Variants in MAPKAP1 observed in about 807,000 individuals in gnomAD.
MAPKAP1 encodes the protein MAPK associated protein 1.
MAPKAP1 carries 20 observed loss-of-function variants against 65.7 expected under a neutral mutation model. That is an observed-to-expected ratio of 0.30 (90% CI 0.21 to 0.44). The LOEUF (loss-of-function observed/expected upper bound fraction) is 0.44. Among genes scored for constraint, MAPKAP1 ranks in the 20% least tolerant of loss-of-function variants. The probability of loss-of-function intolerance (pLI) is 1.00; values close to 1 mark genes in which losing one functional copy is unlikely to be tolerated. For missense variants in MAPKAP1, 423 were observed against 648.0 expected, an observed-to-expected ratio of 0.65 and a Z score of 3.77; for synonymous variants, 222 against 244.3, an observed-to-expected ratio of 0.91 and a Z score of 0.85.
rs555785539 is a variant in MAPKAP1 at position 125,648,052 on chromosome 9, C to T, written c.498+9599G>A. Reference sequence around the variant, plus strand: ...AGTCCGTCAGGTTTCAAGTCCACTGCTAAAGGAAAAACTTTTGTTTTTAAA... The same window carrying T: ...AGTCCGTCAGGTTTCAAGTCCACTGTTAAAGGAAAAACTTTTGTTTTTAAA... On this transcript the variant is annotated intron_variant, in intron 4 of 11. Transcript: ENST00000265960. Among the ~76,000 whole-genome samples the T allele has an allele frequency of 1.8e-4, 27 of 151,676 alleles. 2 individuals carry two copies. In the South Asian group the frequency reaches 5.0e-3, roughly 28 times the overall value.
At chr9:125,609,472 CTTTA>C (rs886791688) in intron 4 of MAPKAP1, among the ~76,000 whole-genome samples, 9 of 152,128 alleles carry the variant, frequency 5.9e-5, no homozygotes, top group African/African-American at 2.2e-4. Flanking sequence ...TGCCAAGCTT[CTTTA>C]TTTATTTGTT....
intron 4 of MAPKAP1, among the ~76,000 whole-genome samples, chr9:125,642,098 G>A (rs1401041614): frequency 1.3e-5 from 2 of 151,938 alleles, no homozygotes; most frequent in Non-Finnish European, 2.9e-5. Context: ...CAAGCTACTT[G>A]GGAGGCTGAG....
intron 10 of MAPKAP1, among the ~76,000 whole-genome samples, chr9:125,455,635 T>C (rs1853137131): frequency 6.6e-6 from 1 of 152,140 alleles, no homozygotes; most frequent in South Asian, 2.1e-4. Flanking sequence ...AACATTTCAC[T>C]TAAATGGGAT....
intron 4 of MAPKAP1, among the ~76,000 whole-genome samples, chr9:125,599,307 C>T (rs1275749546): frequency 6.6e-6 from 1 of 152,162 alleles, no homozygotes; most frequent in Non-Finnish European, 1.5e-5. Context: ...GAAGTAGCCC[C>T]TTTTCTTCAG....
intron 4 of MAPKAP1, among the ~76,000 whole-genome samples, chr9:125,620,184 C>T (rs957853066): frequency 3.9e-5 from 6 of 152,124 alleles, no homozygotes; most frequent in Non-Finnish European, 7.4e-5. Context: ...TGGGGCACAC[C>T]TGTAATCCCA....
intron 5 of MAPKAP1, among the ~76,000 whole-genome samples, chr9:125,574,763 G>C (rs1365154792): frequency 2.6e-5 from 4 of 152,244 alleles, no homozygotes; most frequent in East Asian, 1.9e-4. Flanking sequence ...TGCGGTTACA[G>C]TAGTTAGGAG....
At chr9:125,686,113 G>A (rs920135976) in intron 1 of MAPKAP1, among the ~76,000 whole-genome samples, 77 of 152,116 alleles carry the variant, frequency 5.1e-4, no homozygotes, top group African/African-American at 1.7e-3. Flanking sequence ...TCAGGAGATC[G>A]AGACCATCCT....
At chr9:125,487,095 C>A (rs897751180) in intron 8 of MAPKAP1, among the ~76,000 whole-genome samples, 13 of 152,178 alleles carry the variant, frequency 8.5e-5, no homozygotes, top group African/African-American at 3.1e-4. Context: ...TGAACGAATA[C>A]CAGGTGCCAT....
At position 125,585,557 on chromosome 9, in the gene MAPKAP1, G is replaced by A. The variant is rs779079124; in HGVS notation, c.669C>T (p.Leu223=). The part of the protein sequence containing the change: ...QYTSEGREPK[L]NDNVSAYCLH... Reference sequence around the variant, plus strand: ...CAGCCAAAAAGAGAATGGATTACTTGAGCTTCGGCTCCCGTCCTTCGCTTG... The same window carrying A: ...CAGCCAAAAAGAGAATGGATTACTTAAGCTTCGGCTCCCGTCCTTCGCTTG... The change falls in exon 5 of 12, where the codon CTC becomes CTT. Residue 223 remains leucine, a splice_region_variant and synonymous_variant. Coordinates refer to ENST00000265960, the MANE Select transcript of MAPKAP1 (RefSeq NM_001006617.3). 1.9e-6 allele frequency: 3 copies of A among 1,613,228 alleles called. No individual in the cohort carries two copies. Among genetic ancestry groups the A allele is most frequent in the Non-Finnish European group, 1.7e-6 (2 of 1,179,258 alleles).
chr9:125,650,306 C>A (rs1464686932), intron 4 of MAPKAP1: 2 of 152,250 alleles, frequency 1.3e-5, no homozygotes, highest in Non-Finnish European at 2.9e-5. Flanking sequence ...CCATTTAAAT[C>A]CTTGTTCAAG....
At position 125,501,018 on chromosome 9, in the gene MAPKAP1, G is replaced by A. The variant is rs373975945; in HGVS notation, c.1066+5292C>T. Among the ~76,000 whole-genome samples the A allele has an allele frequency of 3.3e-5, 5 of 152,146 alleles. No homozygotes were observed. In the South Asian group the frequency reaches 6.2e-4, roughly 19 times the overall value. On this transcript the variant is annotated intron_variant, in intron 8 of 11. Transcript: ENST00000265960. ...TTTTCCTTTGGCTCACTATGGTATG[G>A]TACTAGATATGGTATGAAATTTCAA...
intron 3 of MAPKAP1, among the ~76,000 whole-genome samples, chr9:125,660,715 C>T (rs185787024): frequency 1.7e-3 from 255 of 152,326 alleles, no homozygotes; most frequent in Non-Finnish European, 1.7e-3. Context: ...TTCTCACATC[C>T]TACCCATCAA....
At chr9:125,692,845 G>A (rs2131851350) in intron 1 of MAPKAP1, among the ~76,000 whole-genome samples, 1 of 152,238 alleles carries the variant, frequency 6.6e-6, no homozygotes. Flanking sequence ...ACATCAAATA[G>A]ACATCAAATT....
At chr9:125,574,214 G>A (rs1471027012) in intron 5 of MAPKAP1, among the ~76,000 whole-genome samples, 1 of 152,170 alleles carries the variant, frequency 6.6e-6, no homozygotes, top group African/African-American at 2.4e-5. Flanking sequence ...AATACTTAGG[G>A]TCTGAAACTC....
At chr9:125,630,045 G>A (rs1050115050) in intron 4 of MAPKAP1, among the ~76,000 whole-genome samples, 1 of 152,104 alleles carries the variant, frequency 6.6e-6, no homozygotes, top group Non-Finnish European at 1.5e-5. Flanking sequence ...TGAGCCTAGG[G>A]TCAACTAAGG....
At chr9:125,547,989 T>A (rs1589277590) in intron 6 of MAPKAP1, among the ~76,000 whole-genome samples, 1 of 152,182 alleles carries the variant, frequency 6.6e-6, no homozygotes. Context: ...ATACAAGTTG[T>A]CCACTGTTTA....
At chr9:125,564,195 A>G (rs922945818) in intron 5 of MAPKAP1, among the ~76,000 whole-genome samples, 4 of 152,232 alleles carry the variant, frequency 2.6e-5, no homozygotes, top group Non-Finnish European at 5.9e-5. Context: ...GGTGAGGATG[A>G]AAGGGGAATT....
intron 4 of MAPKAP1, among the ~76,000 whole-genome samples, chr9:125,626,086 TTAAGTG>T (rs1157995909): frequency 1.3e-5 from 2 of 152,252 alleles, no homozygotes; most frequent in Non-Finnish European, 2.9e-5. Flanking sequence ...GTAGTCACTG[TTAAGTG>T]TAAGAGGAAC....
chr9:125,448,743 G>A (rs1273924030), intron 10 of MAPKAP1, among the ~76,000 whole-genome samples: 2 of 152,220 alleles, frequency 1.3e-5, no homozygotes, highest in African/African-American at 4.8e-5. Context: ...AGTGGCTCAA[G>A]CCTGTAATCC....
Sources: gnomAD v4.1 joint callset for allele counts (sites outside exome capture counted in the v4.1 genomes callset) on GRCh38, gnomAD v4.1.1 for gene constraint, MANE v1.5 for transcripts, NCBI Gene and HGNC (gene_info 2026-07-23, HGNC 2026-07-21) for gene names.